Variants in PHACTR1 observed in about 807,000 individuals in gnomAD.
PHACTR1 encodes RPEL repeat containing 1.
In PHACTR1, 16 loss-of-function variants were observed where a neutral mutation model predicts 69.2. The ratio of observed to expected loss-of-function variants is 0.23; its 90% CI spans 0.16 to 0.35. The LOEUF is 0.35. Among genes scored for constraint, PHACTR1 ranks in the 10% least tolerant of loss-of-function variants. The probability of loss-of-function intolerance (pLI) is 1.00; values close to 1 mark genes in which losing one functional copy is unlikely to be tolerated. For synonymous variants in PHACTR1, 312 were observed against 284.5 expected (o/e 1.10, Z -0.97); for missense variants, 510 against 734.7 (o/e 0.69, Z 3.54).
intron 4 of PHACTR1, among the ~76,000 whole-genome samples, chr6:12,864,697 A>C (rs1781283960): frequency 6.6e-6 from 1 of 151,934 alleles, no homozygotes; most frequent in African/African-American, 2.4e-5. Context: ...AAAAAAAAAA[A>C]AACAGAAGGA....
chr6:13,239,236 G>A (rs958744745), intron 10 of PHACTR1, among the ~76,000 whole-genome samples: 1 of 152,238 alleles, frequency 6.6e-6, no homozygotes, highest in Non-Finnish European at 1.5e-5. Context: ...TCACCAAACT[G>A]AAATTGTGTG....
At chr6:13,016,904 C>T (rs1055459195) in intron 4 of PHACTR1, among the ~76,000 whole-genome samples, 3 of 152,108 alleles carry the variant, frequency 2.0e-5, no homozygotes, top group Admixed American at 1.3e-4. Context: ...AACCAAGATG[C>T]GGCTGGGCGC....
At chr6:13,057,260 A>G (rs1403043744) in intron 5 of PHACTR1, among the ~76,000 whole-genome samples, 1 of 152,168 alleles carries the variant, frequency 6.6e-6, no homozygotes, top group Non-Finnish European at 1.5e-5. Context: ...CCCCCAAAAT[A>G]TATACAACTA....
At chr6:13,244,872 G>A (rs759301215) in intron 10 of PHACTR1, among the ~76,000 whole-genome samples, 2 of 152,184 alleles carry the variant, frequency 1.3e-5, no homozygotes, top group Admixed American at 1.3e-4. Flanking sequence ...GTAAAGACAG[G>A]CATAGGAAAT....
intron 3 of PHACTR1, among the ~76,000 whole-genome samples, chr6:12,737,006 T>A (rs1764345462): frequency 6.7e-6 from 1 of 149,816 alleles, no homozygotes; most frequent in Non-Finnish European, 1.5e-5. Flanking sequence ...TATATGTATA[T>A]ACATATACAT....
At chr6:13,151,863 C>A (rs1351167884) in intron 5 of PHACTR1, among the ~76,000 whole-genome samples, 2 of 151,926 alleles carry the variant, frequency 1.3e-5, no homozygotes. Context: ...GGACTGTTTT[C>A]TCTTGATTTC....
chr6:12,832,355 A>T (rs531177034), intron 4 of PHACTR1, among the ~76,000 whole-genome samples: 107 of 152,030 alleles, frequency 7.0e-4, no homozygotes, highest in Admixed American at 2.6e-3. Flanking sequence ...GTTCTGATAC[A>T]TTTAGCTTTA....
chr6:12,990,366 T>C (rs1796681920), intron 4 of PHACTR1, among the ~76,000 whole-genome samples: 1 of 151,828 alleles, frequency 6.6e-6, no homozygotes, highest in African/African-American at 2.4e-5. Flanking sequence ...GACTGAAGAG[T>C]ACCCTTGACC....
chr6:12,940,253 A>G (rs1214810432), intron 4 of PHACTR1, among the ~76,000 whole-genome samples: 2 of 152,208 alleles, frequency 1.3e-5, no homozygotes, highest in African/African-American at 2.4e-5. Flanking sequence ...TCCTATTGCA[A>G]TTAAATAACT....
At chr6:13,209,562 A>G (rs1150616) in intron 8 of PHACTR1, among the ~76,000 whole-genome samples, 75,896 of 152,060 alleles carry the variant, frequency 0.5, 19,695 homozygotes, top group East Asian at 0.57. Context: ...GTTATAGGTA[A>G]TATACAAAGT....
chr6:13,178,608 A>G (rs946286749), intron 6 of PHACTR1, among the ~76,000 whole-genome samples: 1 of 152,174 alleles, frequency 6.6e-6, no homozygotes, highest in Non-Finnish European at 1.5e-5. Context: ...CAGTTTGAGA[A>G]CCACTGTCTT....
At chr6:12,965,932 A>G (rs958966101) in intron 4 of PHACTR1, among the ~76,000 whole-genome samples, 3 of 152,214 alleles carry the variant, frequency 2.0e-5, no homozygotes, top group African/African-American at 7.2e-5. Context: ...GCATGAACTC[A>G]GACTGGAATG....
At chr6:12,855,570 T>C (rs1780263318) in intron 4 of PHACTR1, among the ~76,000 whole-genome samples, 1 of 152,112 alleles carries the variant, frequency 6.6e-6, no homozygotes, top group Non-Finnish European at 1.5e-5. Flanking sequence ...CATGTTCTCA[T>C]TTATAAGTGG....
chr6:12,993,616 A>G (rs1797072022), intron 4 of PHACTR1, among the ~76,000 whole-genome samples: 2 of 152,236 alleles, frequency 1.3e-5, no homozygotes, highest in African/African-American at 4.8e-5. Flanking sequence ...AAATCTGGAA[A>G]TTGGGAAAAA....
chr6:12,742,435 G>T (rs1765171873), intron 3 of PHACTR1, among the ~76,000 whole-genome samples: 1 of 152,078 alleles, frequency 6.6e-6, no homozygotes, highest in African/African-American at 2.4e-5. Context: ...AGGTCAATCT[G>T]GTTGCCATCT....
intron 4 of PHACTR1, among the ~76,000 whole-genome samples, chr6:12,819,809 C>T (rs990378522): frequency 1.8e-4 from 28 of 152,140 alleles, no homozygotes; most frequent in Non-Finnish European, 8.8e-5. Flanking sequence ...ACATCAAATG[C>T]GAGCAGAAAG....
At chr6:12,865,462 GT>G (rs1781359225) in intron 4 of PHACTR1, among the ~76,000 whole-genome samples, 2 of 150,212 alleles carry the variant, frequency 1.3e-5, no homozygotes, top group Admixed American at 6.6e-5. Context: ...TAATGGGTGT[GT>G]GTGTGTGTGT....
At chr6:12,916,499 G>A (rs763315139) in intron 4 of PHACTR1, among the ~76,000 whole-genome samples, 27 of 148,674 alleles carry the variant, frequency 1.8e-4, no homozygotes, top group East Asian at 1.2e-3. Flanking sequence ...TTGTTTACAC[G>A]TCAGGCTTTG....
intron 5 of PHACTR1, among the ~76,000 whole-genome samples, chr6:13,156,775 A>G (rs1160557381): frequency 6.6e-6 from 1 of 152,156 alleles, no homozygotes. Flanking sequence ...CCATTGAGTT[A>G]TGCAGTCAAG....
Sources: allele counts gnomAD v4.1 joint callset (sites outside exome capture counted in the v4.1 genomes callset), GRCh38; gene constraint gnomAD v4.1.1; transcripts MANE v1.5; gene names NCBI Gene and HGNC (gene_info 2026-07-23, HGNC 2026-07-21).